Variants in IL20RB observed in about 807,000 individuals in gnomAD.
IL20RB encodes the protein interleukin 20 receptor subunit beta.
A neutral mutation model predicts 33.3 loss-of-function variants in IL20RB; 21 were observed. The observed-to-expected ratio is 0.63, with a 90% confidence interval of 0.45 to 0.91. The LOEUF is 0.91. Among genes scored for constraint, IL20RB ranks in the 40% least tolerant of loss-of-function variants. IL20RB has a pLI of 0.00. For synonymous variants in IL20RB, 147 were observed against 146.8 expected, an observed-to-expected ratio of 1.00 and a Z score of -0.01; for missense variants, 345 against 384.8, an observed-to-expected ratio of 0.90 and a Z score of 0.86.
chr3:136,960,526 T>C (rs1340560644), intron 1 of IL20RB, among the ~76,000 whole-genome samples: 1 of 152,242 alleles, frequency 6.6e-6, no homozygotes, highest in Non-Finnish European at 1.5e-5. Flanking sequence ...CTGATTATGC[T>C]ACCAATAGTA....
At chr3:136,997,078 C>T (rs894378035) in intron 6 of IL20RB, among the ~76,000 whole-genome samples, 9 of 151,250 alleles carry the variant, frequency 6.0e-5, no homozygotes, top group Non-Finnish European at 1.3e-4. Context: ...CGAGTGTGGG[C>T]ATATCTGTTT....
intron 4 of IL20RB, 141 bp downstream of exon 4, chr3:136,989,706 A>G (rs761014604): frequency 1.2e-4 from 104 of 842,336 alleles, no homozygotes; most frequent in Non-Finnish European, 1.8e-4. Context: ...AAAGATGAGT[A>G]TGCTGACCAC....
intron 6 of IL20RB, among the ~76,000 whole-genome samples, chr3:137,000,351 C>G (rs1429278010): frequency 6.6e-6 from 1 of 152,190 alleles, no homozygotes; most frequent in African/African-American, 2.4e-5. Flanking sequence ...CCTTTTCTGG[C>G]TCTCTCCTTT....
intron 3 of IL20RB, among the ~76,000 whole-genome samples, chr3:136,987,380 C>T (rs1395363525): frequency 2.0e-5 from 3 of 152,156 alleles, no homozygotes; most frequent in Non-Finnish European, 4.4e-5. Flanking sequence ...ACTCACAAAC[C>T]CTGAGCTAGT....
rs920220004 is a variant in IL20RB, at chr3:137,010,321, G to T, written c.*98G>T. The T allele has an allele frequency of 1.4e-6, 1 of 711,242 alleles. No individual in the cohort carries two copies. The allele number at this position is 711,242 out of a possible 1,614,324, so 44.1% of individuals were successfully genotyped here. ...GTTTCTGTTTTCCGCCACGGACAAGGGATGAGAGAAGTAGGAAGAGCCTGT... is the reference window on the plus strand; with the variant it reads ...GTTTCTGTTTTCCGCCACGGACAAGTGATGAGAGAAGTAGGAAGAGCCTGT... On this transcript the variant is annotated 3_prime_UTR_variant, in exon 7 of 7. Coordinates refer to ENST00000329582, the MANE Select transcript of IL20RB (RefSeq NM_144717.4).
At chr3:137,000,003 T>C (rs1407326783) in intron 6 of IL20RB, among the ~76,000 whole-genome samples, 1 of 152,210 alleles carries the variant, frequency 6.6e-6, no homozygotes, top group Non-Finnish European at 1.5e-5. Context: ...CCTCTATTGA[T>C]CGTTTTTTAT....
Position 136,982,367 on chromosome 3 carries a change from C to T in IL20RB, c.406+17C>T. ...GAAACTCAAGTAAGGCACTTCTCTC[C>T]TTACACTCCCACCCCAACCAGCCCC... On this transcript the variant is annotated intron_variant, in intron 3 of 6. Coordinates refer to ENST00000329582, the MANE Select transcript of IL20RB (RefSeq NM_144717.4). The T allele has an allele frequency of 1.3e-6, 2 of 1,544,254 alleles. No homozygotes were observed. Among genetic ancestry groups the T allele is most frequent in the East Asian group, 2.3e-5 (1 of 43,224 alleles).
intron 4 of IL20RB, among the ~76,000 whole-genome samples, chr3:136,990,224 G>A (rs361248): frequency 0.45 from 68,520 of 151,508 alleles, 15,926 homozygotes; most frequent in East Asian, 0.7. Flanking sequence ...GACCTGTGGA[G>A]CCTCTGTCCA....
Position 136,982,158 on chromosome 3 carries a change from A to G in IL20RB, c.216-2A>G, listed in dbSNP as rs766841552. ...AACTCTGTGCCCTCCTCTCTTTGACAGGGAGTACGAGAGCCTGTACACGAG... is the reference window on the plus strand; with the variant it reads ...AACTCTGTGCCCTCCTCTCTTTGACGGGGAGTACGAGAGCCTGTACACGAG... On this transcript the variant is annotated splice_acceptor_variant, in intron 2 of 6. Transcript: ENST00000329582. LOFTEE classifies it high-confidence loss of function. The G allele has an allele frequency of 1.3e-6, 2 of 1,549,918 alleles. No individual in the cohort carries two copies. The highest frequency in any genetic ancestry group is 1.2e-5 in the South Asian group (1 of 83,694).
intron 6 of IL20RB, among the ~76,000 whole-genome samples, chr3:136,997,929 C>A (rs945036852): frequency 3.3e-5 from 5 of 151,890 alleles, no homozygotes; most frequent in African/African-American, 1.2e-4. Flanking sequence ...TGCCCCCACA[C>A]CCGGCTAATT....
chr3:137,007,812 C>T (rs1932952726), intron 6 of IL20RB, among the ~76,000 whole-genome samples: 1 of 152,130 alleles, frequency 6.6e-6, no homozygotes, highest in Non-Finnish European at 1.5e-5. Context: ...CAACCAGTCC[C>T]AATGAGATGA....
At chr3:137,010,003 T>G (rs1374177029) in intron 6 of IL20RB, 110 bp from the exon 7 acceptor site, 4 of 651,522 alleles carry the variant, frequency 6.1e-6, no homozygotes, top group Non-Finnish European at 2.7e-6. Context: ...TTGGTTTTTG[T>G]TTTTGCTGCT....
At position 136,975,964 on chromosome 3, in the gene IL20RB, A is replaced by G. The variant is rs184238178; in HGVS notation, c.89-4502A>G. On this transcript the variant is annotated intron_variant, in intron 1 of 6. Transcript: ENST00000329582. ...GGGCCCTGGACAGCTAGCATGGCAC[A>G]AGTGATGGCAGTAGCAGTGGCAGGA... Among the ~76,000 whole-genome samples the G allele has an allele frequency of 5.8e-4, 88 of 152,298 alleles. 1 individual carries two copies. The highest frequency in any genetic ancestry group is 2.1e-3 in the African/African-American group (86 of 41,534).
chr3:136,995,660 A>T, intron 6 of IL20RB, 104 bp downstream of exon 6: 2 of 1,094,292 alleles, frequency 1.8e-6, no homozygotes, highest in South Asian at 2.9e-5. Flanking sequence ...TCATGAGATT[A>T]TAGGCATCTG....
chr3:137,001,552 C>A (rs904707424), intron 6 of IL20RB, among the ~76,000 whole-genome samples: 4 of 152,186 alleles, frequency 2.6e-5, no homozygotes, highest in African/African-American at 9.7e-5. Flanking sequence ...TTCTAGCCAT[C>A]CTTGCAAAGT....
intron 6 of IL20RB, among the ~76,000 whole-genome samples, chr3:136,999,887 A>G (rs894675903): frequency 2.0e-5 from 3 of 152,062 alleles, no homozygotes; most frequent in African/African-American, 7.2e-5. Context: ...TTGGTCATTT[A>G]TTATGAGAAT....
chr3:136,970,994 T>C (rs1044565219), intron 1 of IL20RB, among the ~76,000 whole-genome samples: 1 of 152,032 alleles, frequency 6.6e-6, no homozygotes, highest in Non-Finnish European at 1.5e-5. Context: ...AAATGTGAAA[T>C]ATTGTTACTG....
At chr3:136,960,359 G>A (rs1389536848) in intron 1 of IL20RB, among the ~76,000 whole-genome samples, 1 of 151,932 alleles carries the variant, frequency 6.6e-6, no homozygotes, top group East Asian at 1.9e-4. Context: ...TGTTGCCCAG[G>A]ATGGTCTCGA....
intron 2 of IL20RB, 127 bp downstream of exon 2, chr3:136,980,719 C>A (rs361241): frequency 0.43 from 376,947 of 868,554 alleles, 85,554 homozygotes; most frequent in East Asian, 0.68. Context: ...AGATCTACCC[C>A]CTCTGTCTGC....
Sources: allele counts gnomAD v4.1 joint callset (sites outside exome capture counted in the v4.1 genomes callset), GRCh38; gene constraint gnomAD v4.1.1; transcripts MANE v1.5; gene names NCBI Gene and HGNC (gene_info 2026-07-23, HGNC 2026-07-21).